ZNF280C: variants seen among roughly 807,000 people sequenced by gnomAD.
The protein encoded by ZNF280C is suppressor of hairy wing homolog 3.
ZNF280C carries 14 observed loss-of-function variants against 53.6 expected under a neutral mutation model. That is an observed-to-expected ratio of 0.26 (90% CI 0.17 to 0.41). ZNF280C has a LOEUF of 0.41. ZNF280C is among the 10% of genes least tolerant of loss of function. The probability of loss-of-function intolerance (pLI) is 1.00; values close to 1 mark genes in which losing one functional copy is unlikely to be tolerated. For missense variants in ZNF280C, 416 were observed against 547.1 expected (o/e 0.76, Z 2.39); for synonymous variants, 203 against 181.1 (o/e 1.12, Z -0.97).
At chrX:130,249,082 G>C (rs993095414) in intron 2 of ZNF280C, among the ~76,000 whole-genome samples, 6 of 111,401 alleles carry the variant, frequency 5.4e-5, no homozygotes, top group African/African-American at 1.6e-4. Context: ...ACTACGCACA[G>C]AGAACAGTGG....
intron 1 of ZNF280C, among the ~76,000 whole-genome samples, chrX:130,268,334 T>C (rs1005161285): frequency 1.8e-5 from 2 of 111,288 alleles, no homozygotes; most frequent in Admixed American, 9.4e-5. Context: ...TCAAGTCTCT[T>C]TTCGTTTGAT....
At chrX:130,214,493 C>T (rs776268435) in intron 15 of ZNF280C, among the ~76,000 whole-genome samples, 1 of 111,099 alleles carries the variant, frequency 9.0e-6, no homozygotes, top group African/African-American at 3.3e-5. Flanking sequence ...TCAAAGTGAT[C>T]GCTGTGAAGA....
rs1466482224 is a variant in ZNF280C at position 130,202,744 on chromosome X, G to A, written c.*2233C>T. 9.1e-6 allele frequency: 1 copy of A among 109,865 alleles called. No homozygotes were observed. Among genetic ancestry groups the A allele is most frequent in the African/African-American group, 3.3e-5 (1 of 30,123 alleles). The allele number at this position is 109,865 out of a possible 1,213,427, so 9.1% of individuals were successfully genotyped here. A position where few individuals can be genotyped will look rare whatever the true frequency, so the allele number is the denominator to read the frequency against. Reference sequence around the variant, plus strand: ...GAAGTTATTTATTAGAAATTTCCAAGGCACTTTAACAATACAAATTTTATT... The same window carrying A: ...GAAGTTATTTATTAGAAATTTCCAAAGCACTTTAACAATACAAATTTTATT... On this transcript the variant is annotated 3_prime_UTR_variant, in exon 19 of 19. Transcript: ENST00000370978.
chrX:130,217,000 AAAAAC>A (rs755079228), intron 13 of ZNF280C, among the ~76,000 whole-genome samples: 1 of 111,718 alleles, frequency 9.0e-6, no homozygotes, highest in Non-Finnish European at 1.9e-5. Flanking sequence ...ACTCCGTCTC[AAAAAC>A]AAAACAAAAC....
At chrX:130,228,617 C>CTTTTTT (rs35926660) in intron 10 of ZNF280C, among the ~76,000 whole-genome samples, 35 of 58,388 alleles carry the variant, frequency 6.0e-4, no homozygotes, top group Non-Finnish European at 8.1e-4. Context: ...TTTTCTTCTA[C>CTTTTTT]TTTTTTTTTT....
chrX:130,218,500 C>T (rs2032128662), intron 13 of ZNF280C, among the ~76,000 whole-genome samples: 1 of 112,158 alleles, frequency 8.9e-6, no homozygotes, highest in South Asian at 3.7e-4. Context: ...AAAAGTCATC[C>T]ACTAACATTT....
chrX:130,264,415 AATAG>A (rs990149011), intron 1 of ZNF280C, among the ~76,000 whole-genome samples: 3 of 111,951 alleles, frequency 2.7e-5, no homozygotes, highest in Admixed American at 9.5e-5. Context: ...CTCTCAGGAA[AATAG>A]ATATATTCCA....
chrX:130,223,182 G>A (rs1406805741), intron 12 of ZNF280C, among the ~76,000 whole-genome samples: 5 of 110,007 alleles, frequency 4.5e-5, no homozygotes, highest in African/African-American at 1.3e-4. Flanking sequence ...CTCAGCCTAC[G>A]AGTAGCTGGG....
intron 5 of ZNF280C, 30 bp downstream of exon 5, chrX:130,243,533 A>C (rs772121016): frequency 6.7e-6 from 8 of 1,189,100 alleles, no homozygotes; most frequent in Non-Finnish European, 9.1e-6. Flanking sequence ...TGTGTCCCTG[A>C]ATTAATTGTG....
In ZNF280C at chrX:130,266,370, T is replaced by C. The variant is rs1218894845; in HGVS notation, c.-17+2392A>G. ...GGGTGGGACAGATGGGGAAAAGATG[T>C]TGATCCAAGAGTACGAAGTTTAATT... On this transcript the variant is annotated intron_variant, in intron 1 of 18. Coordinates refer to ENST00000370978, the MANE Select transcript of ZNF280C (RefSeq NM_017666.5). Among the ~76,000 whole-genome samples, 3 of 111,569 alleles carry C rather than the reference T, an allele frequency of 2.7e-5. No individual in the cohort carries two copies. In the East Asian group the frequency reaches 8.4e-4, roughly 31 times the overall value.
At chrX:130,220,075 A>G (rs1174870285) in intron 13 of ZNF280C, among the ~76,000 whole-genome samples, 1 of 111,197 alleles carries the variant, frequency 9.0e-6, no homozygotes, top group Non-Finnish European at 1.9e-5. Flanking sequence ...TTTGGGGTGC[A>G]TGGGATATTT....
chrX:130,253,109 T>C (rs2032532302), intron 2 of ZNF280C, among the ~76,000 whole-genome samples: 1 of 112,045 alleles, frequency 8.9e-6, no homozygotes, highest in African/African-American at 3.2e-5. Context: ...CCGGCATTCC[T>C]ATACACCAAC....
chrX:130,234,739 A>G (rs1450998210), intron 8 of ZNF280C, among the ~76,000 whole-genome samples: 1 of 111,669 alleles, frequency 9.0e-6, no homozygotes, highest in African/African-American at 3.3e-5. Context: ...TTATACACAC[A>G]TAACAGAATA....
At chrX:130,208,952 T>C (rs1461648172) in intron 16 of ZNF280C, among the ~76,000 whole-genome samples, 2 of 111,908 alleles carry the variant, frequency 1.8e-5, no homozygotes, top group East Asian at 5.6e-4. Context: ...CGCCTCAGCC[T>C]CCCAAAGTGC....
chrX:130,251,783 C>T (rs1353516799), intron 2 of ZNF280C, among the ~76,000 whole-genome samples: 3 of 81,399 alleles, frequency 3.7e-5, no homozygotes, highest in Non-Finnish European at 6.8e-5. Context: ...CGCCAGACTT[C>T]GTCTGAAAAA....
At position 130,216,035 on chromosome X, in the gene ZNF280C, G is replaced by C; in HGVS notation, c.1594C>G (p.Pro532Ala). The stretch of plus-strand genomic sequence containing the variant: ...GTGACCTGAAGAAAAGAAGTGCCTG[G>C]AGCGCAACCGAAAGGTGCAGTTGGT... ...KLPTAPFGCA[P>A]GTSFLQVTPP... is the part of the protein sequence containing the mutation. The change falls in exon 14 of 19, where the codon CCA (proline) becomes GCA (alanine). Residue 532 changes from proline (P) to alanine (A), a missense_variant. By Grantham distance (27) the Pro-to-Ala change is conservative. Coordinates refer to ENST00000370978, the MANE Select transcript of ZNF280C (RefSeq NM_017666.5). 8.3e-7 allele frequency: 1 copy of C among 1,211,324 alleles called. No individual in the cohort carries two copies. Among genetic ancestry groups the C allele is most frequent in the Non-Finnish European group, 1.1e-6 (1 of 895,251 alleles).
chrX:130,251,803 AC>A (rs1429875195), intron 2 of ZNF280C, among the ~76,000 whole-genome samples: 7 of 104,964 alleles, frequency 6.7e-5, no homozygotes, highest in Non-Finnish European at 9.8e-5. Context: ...AAAAAAAAAA[AC>A]AAAAACAAAA....
chrX:130,243,986 G>A, intron 3 of ZNF280C, 121 bp from the exon 4 acceptor site: 1 of 426,861 alleles, frequency 2.3e-6, no homozygotes, highest in Non-Finnish European at 3.7e-6. Context: ...TTCCTTTAAT[G>A]GTGACAGGGT....
chrX:130,263,322 G>C (rs1223779286), intron 1 of ZNF280C, among the ~76,000 whole-genome samples: 10 of 112,345 alleles, frequency 8.9e-5, no homozygotes, highest in Admixed American at 7.6e-4. Context: ...ATCAACTCAG[G>C]AATGGACAAA....
Sources: allele counts gnomAD v4.1 joint callset (sites outside exome capture counted in the v4.1 genomes callset), GRCh38; gene constraint gnomAD v4.1.1; transcripts MANE v1.5; gene names NCBI Gene and HGNC (gene_info 2026-07-23, HGNC 2026-07-21).